The following CCSER1 variants were observed in gnomAD, a reference collection of about 807,000 sequenced individuals.
CCSER1 encodes the protein coiled-coil serine rich protein 1.
A neutral mutation model predicts 82.0 loss-of-function variants in CCSER1; 41 were observed. That is an observed-to-expected ratio of 0.50 (90% CI 0.39 to 0.65). CCSER1 has a LOEUF of 0.65. Among genes scored for constraint, CCSER1 ranks in the 30% least tolerant of loss-of-function variants. The probability of loss-of-function intolerance (pLI) is 0.00; values close to 1 mark genes in which losing one functional copy is unlikely to be tolerated. For missense variants in CCSER1, 1,119 were observed against 1,064.2 expected (o/e 1.05, Z -0.72); for synonymous variants, 414 against 383.9 (o/e 1.08, Z -0.92).
chr4:90,393,523 T>C (rs1751502481), intron 3 of CCSER1, among the ~76,000 whole-genome samples: 1 of 152,154 alleles, frequency 6.6e-6, no homozygotes, highest in African/African-American at 2.4e-5. Flanking sequence ...ACAGCAGTTA[T>C]ACTATGTCAA....
intron 8 of CCSER1, among the ~76,000 whole-genome samples, chr4:90,835,650 G>T (rs1457664506): frequency 1.3e-5 from 2 of 151,670 alleles, no homozygotes; most frequent in African/African-American, 4.8e-5. Flanking sequence ...ATACATCATC[G>T]ATAACATCTA....
intron 10 of CCSER1, among the ~76,000 whole-genome samples, chr4:91,129,461 AT>A: frequency 9.0e-6 from 1 of 111,302 alleles, no homozygotes; most frequent in South Asian, 2.4e-4. Context: ...AAATTTAGAT[AT>A]TTAACTATGA....
intron 1 of CCSER1, among the ~76,000 whole-genome samples, chr4:90,129,379 G>A (rs1452049189): frequency 1.3e-5 from 2 of 152,142 alleles, no homozygotes; most frequent in African/African-American, 2.4e-5. Flanking sequence ...TTCCAGATAC[G>A]TAACTTGAAA....
intron 9 of CCSER1, among the ~76,000 whole-genome samples, chr4:90,999,131 G>A (rs1225926065): frequency 3.9e-5 from 6 of 152,190 alleles, no homozygotes; most frequent in South Asian, 2.1e-4. Flanking sequence ...CCAGGCCATC[G>A]TTGTTGGACA....
intron 1 of CCSER1, among the ~76,000 whole-genome samples, chr4:90,169,262 A>G (rs1242241483): frequency 2.0e-5 from 3 of 151,980 alleles, no homozygotes; most frequent in Non-Finnish European, 4.4e-5. Flanking sequence ...TTCACTCATG[A>G]TTTGGCTCTC....
intron 1 of CCSER1, among the ~76,000 whole-genome samples, chr4:90,168,512 A>T (rs1017416310): frequency 1.3e-5 from 2 of 151,966 alleles, no homozygotes; most frequent in Non-Finnish European, 2.9e-5. Context: ...AGCTTTTGTT[A>T]CCATTGCTTT....
intron 9 of CCSER1, among the ~76,000 whole-genome samples, chr4:90,924,873 C>A (rs1327352172): frequency 6.6e-6 from 1 of 152,094 alleles, no homozygotes; most frequent in Admixed American, 6.6e-5. Context: ...ATTGCAAGCA[C>A]CCGTCATCAC....
chr4:90,812,696 A>T (rs1453322963), intron 7 of CCSER1, among the ~76,000 whole-genome samples: 3 of 152,210 alleles, frequency 2.0e-5, no homozygotes, highest in African/African-American at 7.2e-5. Flanking sequence ...ATTGACTCAC[A>T]ATTCTGTGTG....
At chr4:91,446,579 TTGTGTG>T (rs10607137) in intron 10 of CCSER1, among the ~76,000 whole-genome samples, 10 of 146,756 alleles carry the variant, frequency 6.8e-5, no homozygotes, top group South Asian at 4.3e-4. Context: ...TTTCTATTCT[TTGTGTG>T]TGTGTGTGTG....
intron 3 of CCSER1, among the ~76,000 whole-genome samples, chr4:90,375,688 G>T (rs1474955332): frequency 6.6e-6 from 1 of 152,152 alleles, no homozygotes; most frequent in Non-Finnish European, 1.5e-5. Flanking sequence ...GATGCAGCTG[G>T]AATTGCCCCA....
At chr4:91,329,455 A>T (rs1408903702) in intron 10 of CCSER1, among the ~76,000 whole-genome samples, 1 of 152,150 alleles carries the variant, frequency 6.6e-6, no homozygotes, top group East Asian at 1.9e-4. Flanking sequence ...ATTAAGTATG[A>T]GTTTCCCATA....
chr4:91,447,950 T>C (rs757032567), intron 10 of CCSER1, among the ~76,000 whole-genome samples: 7 of 152,118 alleles, frequency 4.6e-5, no homozygotes, highest in Non-Finnish European at 7.4e-5. Context: ...GTGTATATTA[T>C]GTTTTATTTG....
chr4:90,391,504 A>AAAAT (rs748498605), intron 3 of CCSER1, among the ~76,000 whole-genome samples: 6 of 79,422 alleles, frequency 7.6e-5, no homozygotes, highest in East Asian at 4.7e-4. Context: ...ACAGTGGGTA[A>AAAAT]ATATATATAT....
At chr4:90,602,542 G>T (rs1187675450) in intron 5 of CCSER1, among the ~76,000 whole-genome samples, 2 of 152,032 alleles carry the variant, frequency 1.3e-5, no homozygotes, top group African/African-American at 2.4e-5. Flanking sequence ...TGTGTGCATG[G>T]TATTCTGTTA....
At chr4:90,571,355 T>C (rs1780096496) in intron 5 of CCSER1, among the ~76,000 whole-genome samples, 1 of 152,166 alleles carries the variant, frequency 6.6e-6, no homozygotes, top group Non-Finnish European at 1.5e-5. Flanking sequence ...GTGGATTTGA[T>C]AAAGAACATG....
At chr4:91,204,310 C>T (rs2149073046) in intron 10 of CCSER1, among the ~76,000 whole-genome samples, 1 of 151,848 alleles carries the variant, frequency 6.6e-6, no homozygotes, top group African/African-American at 2.4e-5. Context: ...GATCAGAGAC[C>T]TTTTGGCTGA....
intron 10 of CCSER1, among the ~76,000 whole-genome samples, chr4:91,568,312 T>A (rs1021674209): frequency 1.3e-5 from 2 of 152,144 alleles, no homozygotes; most frequent in Non-Finnish European, 2.9e-5. Context: ...GAAAATCTGA[T>A]GATTATGTGT....
intron 8 of CCSER1, among the ~76,000 whole-genome samples, chr4:90,860,419 T>A (rs1764945147): frequency 6.6e-6 from 1 of 151,644 alleles, no homozygotes; most frequent in African/African-American, 2.4e-5. Flanking sequence ...GAAAATGATG[T>A]GACTCCTTTG....
intron 9 of CCSER1, among the ~76,000 whole-genome samples, chr4:90,992,549 A>T (rs1191215322): frequency 1.3e-5 from 2 of 152,004 alleles, no homozygotes; most frequent in African/African-American, 4.8e-5. Context: ...GTATCACAAG[A>T]CTGAGATCAA....
Sources: gnomAD v4.1 joint callset for allele counts (sites outside exome capture counted in the v4.1 genomes callset) on GRCh38, gnomAD v4.1.1 for gene constraint, MANE v1.5 for transcripts, NCBI Gene and HGNC (gene_info 2026-07-23, HGNC 2026-07-21) for gene names.